STK3: variants seen among roughly 807,000 people sequenced by gnomAD.
STK3 encodes serine/threonine kinase 3.
In STK3, 41 loss-of-function variants were observed where a neutral mutation model predicts 58.0. The observed-to-expected ratio is 0.71, with a 90% CI of 0.55 to 0.92. The LOEUF is 0.92. Among genes scored for constraint, STK3 ranks in the 40% least tolerant of loss-of-function variants. The probability of loss-of-function intolerance (pLI) is 0.00; values close to 1 mark genes in which losing one functional copy is unlikely to be tolerated. For synonymous variants in STK3, 170 were observed against 191.0 expected (o/e 0.89, Z 0.91); for missense variants, 479 against 602.7 (o/e 0.79, Z 2.15).
chr8:98,759,176 G>A (rs184976480), intron 3 of STK3, among the ~76,000 whole-genome samples: 5 of 152,250 alleles, frequency 3.3e-5, no homozygotes, highest in Admixed American at 2.6e-4. Context: ...AGCTTATTTC[G>A]GCTTTCAACC....
intron 6 of STK3, among the ~76,000 whole-genome samples, chr8:98,645,948 G>A (rs950427612): frequency 2.0e-5 from 3 of 152,098 alleles, no homozygotes; most frequent in African/African-American, 2.4e-5. Context: ...GATTACAGGC[G>A]TGAGCTATCA....
At chr8:98,746,038 C>T (rs775600327) in intron 4 of STK3, among the ~76,000 whole-genome samples, 16 of 152,164 alleles carry the variant, frequency 1.1e-4, no homozygotes, top group Non-Finnish European at 1.8e-4. Flanking sequence ...AGTAAAAATA[C>T]GATACTATAA....
chr8:98,426,343 G>C (rs1167269827), intron 3 of STK3, among the ~76,000 whole-genome samples: 1 of 152,106 alleles, frequency 6.6e-6, no homozygotes, highest in Non-Finnish European at 1.5e-5. Context: ...AATGAACGCG[G>C]TACACACAGA....
chr8:98,907,802 G>A (rs1166752122), intron 1 of STK3, among the ~76,000 whole-genome samples: 2 of 152,122 alleles, frequency 1.3e-5, no homozygotes, highest in Non-Finnish European at 2.9e-5. Flanking sequence ...TTTAAATTAG[G>A]ATCCAGACTA....
intron 3 of STK3, among the ~76,000 whole-genome samples, chr8:98,873,166 T>C (rs1837442717): frequency 1.3e-5 from 2 of 152,226 alleles, no homozygotes; most frequent in African/African-American, 4.8e-5. Context: ...AGTTTCTTAA[T>C]CCTGAGTTCT....
upstream of STK3, among the ~76,000 whole-genome samples, chr8:98,392,712 T>C (rs1451460573): frequency 6.6e-6 from 1 of 152,160 alleles, no homozygotes; most frequent in Non-Finnish European, 1.5e-5. Context: ...TTCTACTCCT[T>C]CCAATATGAC....
At chr8:98,770,152 T>C (rs1222850133) in intron 2 of STK3, among the ~76,000 whole-genome samples, 1 of 152,118 alleles carries the variant, frequency 6.6e-6, no homozygotes, top group Non-Finnish European at 1.5e-5. Context: ...CCCTCCTGTC[T>C]GAGAAAATTA....
intron 1 of STK3, among the ~76,000 whole-genome samples, chr8:98,897,329 G>T (rs1247444294): frequency 6.6e-6 from 1 of 152,160 alleles, no homozygotes; most frequent in South Asian, 2.1e-4. Flanking sequence ...AGGTGGAGGC[G>T]GGCGGATCAC....
chr8:98,507,293 C>T (rs1824172884), intron 10 of STK3, among the ~76,000 whole-genome samples: 1 of 152,208 alleles, frequency 6.6e-6, no homozygotes. Context: ...CAACAAGTTC[C>T]ACCCACAGTC....
At chr8:98,563,016 CAA>C (rs34350283) in intron 8 of STK3, among the ~76,000 whole-genome samples, 9 of 127,456 alleles carry the variant, frequency 7.1e-5, no homozygotes, top group African/African-American at 9.2e-5. Flanking sequence ...TAGAATGTGG[CAA>C]AAAAAAAAAA....
chr8:98,903,424 A>G (rs1245128591), intron 1 of STK3, among the ~76,000 whole-genome samples: 2 of 152,168 alleles, frequency 1.3e-5, no homozygotes, highest in Non-Finnish European at 2.9e-5. Context: ...AAATCCCAGA[A>G]GAAAATGCTA....
At chr8:98,754,934 A>G (rs1244851672) in intron 3 of STK3, among the ~76,000 whole-genome samples, 1 of 152,242 alleles carries the variant, frequency 6.6e-6, no homozygotes, top group African/African-American at 2.4e-5. Context: ...TGCCATACAC[A>G]CTAATCAGCA....
intron 10 of STK3, among the ~76,000 whole-genome samples, chr8:98,508,983 T>TA: frequency 6.6e-6 from 1 of 152,182 alleles, no homozygotes; most frequent in South Asian, 2.1e-4. Context: ...GAAACTCATC[T>TA]AAAAAAATAA....
chr8:98,598,071 A>G (rs930711352), intron 6 of STK3: 1 of 985,302 alleles, frequency 1.0e-6, no homozygotes, highest in African/African-American at 1.7e-5. Flanking sequence ...AGTTCAAAGG[A>G]CTTACATAAG....
chr8:98,696,282 T>C lies in STK3; in HGVS notation c.684+10185A>G, dbSNP rs538226529. On this transcript the variant is annotated intron_variant, in intron 6 of 10. Transcript: ENST00000419617. ...CTGAGACAATGGGGTTTTCTAGATATACAATCATGTCATCTGCAAACAGGG... is the reference window on the plus strand; with the variant it reads ...CTGAGACAATGGGGTTTTCTAGATACACAATCATGTCATCTGCAAACAGGG... Among the ~76,000 whole-genome samples the C allele has an allele frequency of 3.5e-4, 54 of 152,284 alleles. 1 individual carries two copies. In the South Asian group the frequency reaches 4.6e-3, roughly 13 times the overall value.
At chr8:98,661,936 C>G (rs750501753) in intron 6 of STK3, among the ~76,000 whole-genome samples, 2 of 152,090 alleles carry the variant, frequency 1.3e-5, no homozygotes, top group Non-Finnish European at 2.9e-5. Flanking sequence ...ATTCTAGTCA[C>G]AATTACCACA....
At chr8:98,602,909 T>C (rs1586984560) in intron 6 of STK3, among the ~76,000 whole-genome samples, 1 of 146,938 alleles carries the variant, frequency 6.8e-6, no homozygotes, top group African/African-American at 2.5e-5. Context: ...AACTTGGAAG[T>C]ACCAAATATA....
rs547580432 is a variant in STK3, at chr8:98,894,223, A to G, written c.-78-10389T>C. On this transcript the variant is annotated intron_variant, in intron 1 of 1. Transcript: ENST00000519420. ...GATGATGCCTAAATCTAATACATCC[A>G]CCTTGACCTCATAAACAGAATCCAC... Among the ~76,000 whole-genome samples, 3 of 152,244 alleles carry G rather than the reference A, an allele frequency of 2.0e-5. No homozygotes were observed. In the South Asian group the frequency reaches 6.2e-4, roughly 32 times the overall value.
At chr8:98,720,489 G>T (rs887057941) in intron 4 of STK3, among the ~76,000 whole-genome samples, 1 of 151,984 alleles carries the variant, frequency 6.6e-6, no homozygotes, top group East Asian at 1.9e-4. Flanking sequence ...GGTGGCTCAC[G>T]CCTGTAATCC....
Sources: gnomAD v4.1 joint callset for allele counts (sites outside exome capture counted in the v4.1 genomes callset) on GRCh38, gnomAD v4.1.1 for gene constraint, MANE v1.5 for transcripts, NCBI Gene and HGNC (gene_info 2026-07-23, HGNC 2026-07-21) for gene names.